Variants in SPON1 observed in about 807,000 individuals in gnomAD.
The protein encoded by SPON1 is spondin-1.
SPON1 carries 52 observed loss-of-function variants against 111.7 expected under a neutral mutation model. That is an observed-to-expected ratio of 0.47 (90% CI 0.37 to 0.59). The LOEUF is 0.59. Among genes scored for constraint, SPON1 ranks in the 20% least tolerant of loss-of-function variants. The pLI is 0.00. For synonymous variants in SPON1, 410 were observed against 395.8 expected (o/e 1.04, Z -0.43); for missense variants, 957 against 1,068.5 (o/e 0.90, Z 1.46).
At position 14,262,844 on chromosome 11, in the gene SPON1, T is replaced by G; in HGVS notation, c.2129T>G (p.Val710Gly). Residue 710 changes from valine to glycine, a missense_variant, in exon 15 of 16, where the codon GTG becomes GGG. By Grantham distance (109) the Val-to-Gly change is moderately radical. This residue lies in a region of SPON1 where 549 missense variants were observed against 606.2 expected (regional missense o/e 0.91). Coordinates refer to ENST00000576479, the MANE Select transcript of SPON1 (RefSeq NM_006108.4). Reference sequence around the variant, plus strand: ...GGAGGTGCACCCTGCCCAGAGACTGTGCAGCGAAAAAAGTGCCGCATCCGA... The same window carrying G: ...GGAGGTGCACCCTGCCCAGAGACTGGGCAGCGAAAAAAGTGCCGCATCCGA... Reference protein sequence around the residue: ...QFGGAPCPETVQRKKCRIRKC... With the variant: ...QFGGAPCPETGQRKKCRIRKC... 1 of 1,613,804 alleles carries G rather than the reference T, an allele frequency of 6.2e-7. No individual in the cohort carries two copies. Among genetic ancestry groups the G allele is most frequent in the Non-Finnish European group, 8.5e-7 (1 of 1,179,838 alleles).
chr11:14,077,129 C>T (rs1480892686), intron 4 of SPON1, among the ~76,000 whole-genome samples: 1 of 152,144 alleles, frequency 6.6e-6, no homozygotes, highest in Non-Finnish European at 1.5e-5. Flanking sequence ...CACATAACAT[C>T]AGGATTGAGA....
At position 13,962,777 on chromosome 11, in the gene SPON1, C is replaced by A; in HGVS notation, c.-128C>A. On this transcript the variant is annotated 5_prime_UTR_variant, in exon 1 of 16. Transcript: ENST00000576479. ...CGAGGCGGGCACGGTCTCCGAGTCG[C>A]GGACGCCAGCTCCGAGCTCCCTCTC... The A allele has an allele frequency of 1.2e-6, 1 of 860,116 alleles. No homozygotes were observed. The highest frequency in any genetic ancestry group is 1.7e-6 in the Non-Finnish European group (1 of 601,916). 53.3% of individuals were successfully genotyped at this position (860,116 alleles called of 1,614,324 possible).
At chr11:14,007,803 C>A (rs539628399) in intron 2 of SPON1, among the ~76,000 whole-genome samples, 1 of 152,258 alleles carries the variant, frequency 6.6e-6, no homozygotes, top group Non-Finnish European at 1.5e-5. Flanking sequence ...TTGTTCCTTG[C>A]CTCTTGCGGC....
chr11:14,004,361 C>T (rs1848343055), intron 2 of SPON1, among the ~76,000 whole-genome samples: 1 of 152,160 alleles, frequency 6.6e-6, no homozygotes, highest in South Asian at 2.1e-4. Context: ...ACCCAGAAGT[C>T]GGATTGCTGT....
intron 6 of SPON1, among the ~76,000 whole-genome samples, chr11:14,210,742 T>G (rs1459454295): frequency 1.3e-5 from 2 of 152,044 alleles, no homozygotes; most frequent in African/African-American, 4.8e-5. Context: ...TTAGGTCTTA[T>G]ATTTAAGTCT....
chr11:14,223,306 G>T (rs1289809147), intron 6 of SPON1, among the ~76,000 whole-genome samples: 1 of 152,170 alleles, frequency 6.6e-6, no homozygotes, highest in African/African-American at 2.4e-5. Context: ...GGAGGTTGCA[G>T]TGAGCCAAGA....
chr11:14,016,291 A>G (rs934848231), intron 2 of SPON1, among the ~76,000 whole-genome samples: 3 of 152,244 alleles, frequency 2.0e-5, no homozygotes, highest in Non-Finnish European at 2.9e-5. Flanking sequence ...TGAACTGCCA[A>G]GAGGCTAAGT....
At chr11:14,062,042 T>C (rs912269057) in intron 3 of SPON1, among the ~76,000 whole-genome samples, 7 of 152,208 alleles carry the variant, frequency 4.6e-5, no homozygotes, top group African/African-American at 1.7e-4. Flanking sequence ...GCCTTGGTAG[T>C]ACTGGGTCAC....
rs1380457603 is a variant in SPON1, at chr11:13,967,546, A to G, written c.238+4404A>G. On this transcript the variant is annotated intron_variant, in intron 1 of 15. Coordinates refer to ENST00000576479, the MANE Select transcript of SPON1 (RefSeq NM_006108.4). ...AAAAAAAAAACCCAGAAAGAAAAAA[A>G]AAAAAAGAAAAAACAGATTTGACTG... 2.0e-5 allele frequency among the ~76,000 whole-genome samples: 3 copies of G among 152,094 alleles called. 1 individual carries two copies. The highest frequency in any genetic ancestry group is 2.1e-4 in the South Asian group (1 of 4,828).
intron 5 of SPON1, among the ~76,000 whole-genome samples, chr11:14,088,095 GTA>G (rs1849021195): frequency 3.3e-5 from 5 of 151,742 alleles, no homozygotes; most frequent in Admixed American, 3.3e-4. Flanking sequence ...ATTTTCCAGT[GTA>G]TGTCTTTTAA....
At chr11:14,115,853 A>G (rs1391835071) in intron 5 of SPON1, among the ~76,000 whole-genome samples, 2 of 152,072 alleles carry the variant, frequency 1.3e-5, no homozygotes, top group Non-Finnish European at 1.5e-5. Flanking sequence ...CAGCTAAACA[A>G]TTTTCCACAC....
In SPON1 at chr11:14,262,724, A is replaced by G. The variant is rs782765822; in HGVS notation, c.2009A>G (p.Glu670Gly). 1.5e-5 allele frequency: 25 copies of G among 1,613,726 alleles called. No homozygotes were observed. The highest frequency in any genetic ancestry group is 1.4e-5 in the Non-Finnish European group (16 of 1,179,868). ...TGTGTCTTGCCAGCCATTGACTGTG[A>G]GCTCACCGAGTGGTCCCAGTGGTCG... ...CMLPECPIDC[E>G]LTEWSQWSEC... Residue 670 changes from glutamate to glycine, a missense_variant, in exon 15 of 16, where the codon GAG becomes GGG. Glu to Gly is a moderately conservative substitution (Grantham distance 98). Coordinates refer to ENST00000576479, the MANE Select transcript of SPON1 (RefSeq NM_006108.4).
intron 6 of SPON1, among the ~76,000 whole-genome samples, chr11:14,153,001 A>T (rs782072883): frequency 2.6e-5 from 4 of 152,178 alleles, no homozygotes; most frequent in African/African-American, 7.2e-5. Flanking sequence ...TCTGAAGTCA[A>T]CCTCCAAGCA....
At chr11:14,205,525 A>G (rs1848508381) in intron 6 of SPON1, among the ~76,000 whole-genome samples, 1 of 152,254 alleles carries the variant, frequency 6.6e-6, no homozygotes, top group Admixed American at 6.5e-5. Flanking sequence ...AACAAAGAAT[A>G]TAACTACTTC....
Position 14,228,353 on chromosome 11 carries a change from G to A in SPON1, c.826-14979G>A, listed in dbSNP as rs1017106722. Among the ~76,000 whole-genome samples, 1 of 152,178 alleles carries A rather than the reference G, an allele frequency of 6.6e-6. No individual in the cohort carries two copies. The highest frequency in any genetic ancestry group is 2.4e-5 in the African/African-American group (1 of 41,430). ...TAGAACCCACTCTCTTTAGCAGCTG[G>A]GTTCTCTGGGAAGGAGACCTGCATC... On this transcript the variant is annotated intron_variant, in intron 6 of 15. Transcript: ENST00000576479. This position sits in a 1 kb window ranked among gnomAD's most constrained non-coding sequence, Gnocchi z 4.2.
intron 6 of SPON1, among the ~76,000 whole-genome samples, chr11:14,226,974 G>A (rs1554938214): frequency 1.3e-5 from 2 of 152,048 alleles, no homozygotes; most frequent in African/African-American, 2.4e-5. Flanking sequence ...CTGTGCCTCT[G>A]TCTTGTAAAG....
At chr11:14,142,544 C>T (rs555960558) in intron 6 of SPON1, among the ~76,000 whole-genome samples, 5 of 152,346 alleles carry the variant, frequency 3.3e-5, no homozygotes, top group South Asian at 2.1e-4. Context: ...TAAAACTCCA[C>T]GCCCATTCCC....
chr11:14,212,785 T>C (rs1848589368), intron 6 of SPON1, among the ~76,000 whole-genome samples: 1 of 152,210 alleles, frequency 6.6e-6, no homozygotes, highest in Non-Finnish European at 1.5e-5. Flanking sequence ...TCATAGTCTT[T>C]CCAGTATTTT....
chr11:14,249,296 G>A (rs1304462317), intron 7 of SPON1, among the ~76,000 whole-genome samples: 1 of 152,146 alleles, frequency 6.6e-6, no homozygotes, highest in Non-Finnish European at 1.5e-5. Context: ...AAGAGTCAGG[G>A]CTCTCCCTGC....
Sources: allele counts gnomAD v4.1 joint callset (sites outside exome capture counted in the v4.1 genomes callset), GRCh38; gene constraint gnomAD v4.1.1; regional missense constraint gnomAD v4.1.1; non-coding constraint Gnocchi (gnomAD v3.1); transcripts MANE v1.5; gene names NCBI Gene and HGNC (gene_info 2026-07-23, HGNC 2026-07-21).